The following B3GALT1 variants were observed in gnomAD, a reference collection of about 807,000 sequenced individuals.
B3GALT1 encodes the protein beta-1,3-galactosyltransferase 1.
In B3GALT1, 10 loss-of-function variants were observed where a neutral mutation model predicts 23.2. That is an observed-to-expected ratio of 0.43 (90% CI 0.27 to 0.73). The LOEUF is 0.73. Among genes scored for constraint, B3GALT1 ranks in the 30% least tolerant of loss-of-function variants. B3GALT1 has a pLI of 0.21. For synonymous variants in B3GALT1, 156 were observed against 141.5 expected (o/e 1.10, Z -0.73); for missense variants, 299 against 405.4 (o/e 0.74, Z 2.25).
intron 2 of B3GALT1, among the ~76,000 whole-genome samples, chr2:167,512,611 T>C (rs1366352389): frequency 9.9e-6 from 1 of 101,128 alleles, no homozygotes; most frequent in African/African-American, 5.7e-5. Context: ...TATATATGTA[T>C]ATATATATAC....
At chr2:167,504,372 T>C (rs1012083517) in intron 2 of B3GALT1, among the ~76,000 whole-genome samples, 4 of 152,162 alleles carry the variant, frequency 2.6e-5, no homozygotes, top group Non-Finnish European at 4.4e-5. Context: ...TGCAATTATA[T>C]GTCACCCATG....
At chr2:167,416,822 T>C (rs537678925) in intron 1 of B3GALT1, among the ~76,000 whole-genome samples, 5 of 152,354 alleles carry the variant, frequency 3.3e-5, no homozygotes, top group African/African-American at 1.2e-4. Flanking sequence ...ATTCTCCAGC[T>C]TTAAGATTTC....
In B3GALT1 at chr2:167,860,851, A is replaced by C. The variant is rs74366156; in HGVS notation, c.-229-7960A>C. On this transcript the variant is annotated intron_variant, in intron 4 of 4. Transcript: ENST00000392690. ...TTCTTCACCTGGTCTTAGGAAAAGA[A>C]TCTCAACTGGCTTTTCTTTTTTTTT... Among the ~76,000 whole-genome samples, 1,202 of 151,528 alleles carry C rather than the reference A, an allele frequency of 7.9e-3. 10 individuals are homozygous for C. The highest frequency in any genetic ancestry group is 0.017 in the Middle Eastern group (5 of 292).
At chr2:167,586,213 A>G (rs1002456691) in intron 2 of B3GALT1, among the ~76,000 whole-genome samples, 8 of 152,326 alleles carry the variant, frequency 5.3e-5, no homozygotes, top group African/African-American at 1.7e-4. Context: ...AAATTCTTCA[A>G]TCCTTCCTTA....
chr2:167,334,011 A>C (rs1310090560), intron 1 of B3GALT1, among the ~76,000 whole-genome samples: 1 of 152,180 alleles, frequency 6.6e-6, no homozygotes, highest in African/African-American at 2.4e-5. Context: ...ATACCTTATA[A>C]ACTTTTATTC....
At chr2:167,364,007 A>C (rs2105264773) in intron 1 of B3GALT1, among the ~76,000 whole-genome samples, 1 of 151,686 alleles carries the variant, frequency 6.6e-6, no homozygotes, top group South Asian at 2.1e-4. Flanking sequence ...AAAAACAGAC[A>C]AAAAAAATTA....
chr2:167,420,089 C>A (rs1052944166), intron 1 of B3GALT1, among the ~76,000 whole-genome samples: 2 of 152,168 alleles, frequency 1.3e-5, no homozygotes, highest in African/African-American at 4.8e-5. Context: ...CAAAGTGAAG[C>A]TCTAGAATGA....
At chr2:167,635,101 C>T (rs1244151501) in intron 2 of B3GALT1, among the ~76,000 whole-genome samples, 3 of 152,108 alleles carry the variant, frequency 2.0e-5, no homozygotes, top group African/African-American at 7.2e-5. Context: ...ACAAAAACCA[C>T]ATGATTATCT....
chr2:167,525,774 ATT>A (rs58757694), intron 2 of B3GALT1, among the ~76,000 whole-genome samples: 2 of 145,204 alleles, frequency 1.4e-5, no homozygotes, highest in African/African-American at 2.5e-5. Context: ...CACCTGGCTA[ATT>A]TTTTTTTTTT....
chr2:167,377,857 A>G (rs1196888599), intron 1 of B3GALT1, among the ~76,000 whole-genome samples: 1 of 152,126 alleles, frequency 6.6e-6, no homozygotes, highest in Non-Finnish European at 1.5e-5. Flanking sequence ...TTTTAATCCT[A>G]TCATGAAGTT....
At chr2:167,435,969 A>G (rs557394341) in intron 1 of B3GALT1, among the ~76,000 whole-genome samples, 2 of 118,716 alleles carry the variant, frequency 1.7e-5, no homozygotes, top group Non-Finnish European at 1.8e-5. Context: ...ACACACACAC[A>G]CACACACACA....
intron 2 of B3GALT1, among the ~76,000 whole-genome samples, chr2:167,585,578 A>T (rs143626285): frequency 6.6e-6 from 1 of 152,226 alleles, no homozygotes; most frequent in Non-Finnish European, 1.5e-5. Flanking sequence ...ATTGAGAACT[A>T]GTGGGAACGT....
chr2:167,353,483 C>T (rs939238070), intron 1 of B3GALT1, among the ~76,000 whole-genome samples: 3 of 150,248 alleles, frequency 2.0e-5, no homozygotes, highest in Non-Finnish European at 3.0e-5. Context: ...ATGGCTGTTT[C>T]GTGACATTCA....
intron 3 of B3GALT1, among the ~76,000 whole-genome samples, chr2:167,764,862 G>A (rs529079526): frequency 1.3e-5 from 2 of 152,186 alleles, no homozygotes; most frequent in South Asian, 2.1e-4. Context: ...GACTGCTTGG[G>A]GGTAAACAAG....
intron 2 of B3GALT1, among the ~76,000 whole-genome samples, chr2:167,513,712 A>G (rs1700061990): frequency 6.6e-6 from 1 of 152,166 alleles, no homozygotes; most frequent in Admixed American, 6.6e-5. Context: ...TGGGTTTATT[A>G]TATACTGTTC....
intron 1 of B3GALT1, among the ~76,000 whole-genome samples, chr2:167,392,031 T>C (rs1698020850): frequency 6.6e-6 from 1 of 152,114 alleles, no homozygotes; most frequent in Non-Finnish European, 1.5e-5. Flanking sequence ...TGTAGAACTC[T>C]GAAGGCGTCA....
At chr2:167,636,517 T>C (rs565201685) in intron 2 of B3GALT1, among the ~76,000 whole-genome samples, 1 of 152,190 alleles carries the variant, frequency 6.6e-6, no homozygotes, top group East Asian at 1.9e-4. Flanking sequence ...ATCATTCTGC[T>C]ATAAAGACAC....
intron 1 of B3GALT1, among the ~76,000 whole-genome samples, chr2:167,452,058 G>A (rs114131518): frequency 0.016 from 2,503 of 152,134 alleles, 63 homozygotes; most frequent in African/African-American, 0.056. Flanking sequence ...GTTTATTTCC[G>A]GGCAGCCAGT....
chr2:167,488,588 T>G (rs987553749), intron 1 of B3GALT1, among the ~76,000 whole-genome samples: 17 of 152,234 alleles, frequency 1.1e-4, no homozygotes, highest in African/African-American at 4.1e-4. Flanking sequence ...TTTGTCTGTT[T>G]GTTTTTTAAT....
Sources: allele counts gnomAD v4.1 joint callset (sites outside exome capture counted in the v4.1 genomes callset), GRCh38; gene constraint gnomAD v4.1.1; transcripts MANE v1.5; gene names NCBI Gene and HGNC (gene_info 2026-07-23, HGNC 2026-07-21).